Variants in PLXNA4 observed in about 807,000 individuals in gnomAD.
PLXNA4 encodes plexin-A4.
A neutral mutation model predicts 191.8 loss-of-function variants in PLXNA4; 44 were observed. The ratio of observed to expected loss-of-function variants is 0.23; its 90% CI spans 0.18 to 0.29. The LOEUF is 0.29. Ranked by LOEUF, PLXNA4 falls within the 10% of genes least tolerant of loss-of-function variation. PLXNA4 has a pLI of 1.00. For missense variants in PLXNA4, 1,800 were observed against 2,488.8 expected (o/e 0.72, Z 5.89); for synonymous variants, 1,082 against 1,009.5 (o/e 1.07, Z -1.36).
rs201320322 is a variant in PLXNA4, at chr7:132,436,077, A to G, written c.1371+53215T>C. ...TTCTAGGTTTTCTTCCAATCCACAT[A>G]TGAGACCTCAGAGGCTGGCAACTTG... On this transcript the variant is annotated intron_variant, in intron 3 of 31. Transcript: ENST00000321063. 8.5e-5 allele frequency among the ~76,000 whole-genome samples: 13 copies of G among 152,294 alleles called. No individual in the cohort carries two copies. In the East Asian group the frequency reaches 2.5e-3, roughly 29 times the overall value.
intron 1 of PLXNA4, among the ~76,000 whole-genome samples, chr7:132,531,680 C>G (rs1799620049): frequency 6.6e-6 from 1 of 152,188 alleles, no homozygotes; most frequent in Non-Finnish European, 1.5e-5. Context: ...CAGTTAAGAA[C>G]CTGAACTTTC....
chr7:132,364,625 G>C (rs1804081258), intron 3 of PLXNA4, among the ~76,000 whole-genome samples: 4 of 152,166 alleles, frequency 2.6e-5, no homozygotes, highest in Non-Finnish European at 5.9e-5. Flanking sequence ...GCCTGGACTG[G>C]ACATTAGCAA....
chr7:132,168,950 G>A (rs748460187), intron 21 of PLXNA4, among the ~76,000 whole-genome samples: 6 of 152,186 alleles, frequency 3.9e-5, no homozygotes, highest in Non-Finnish European at 8.8e-5. Flanking sequence ...CAGGGCTGTC[G>A]TGGTTTACAC....
At chr7:132,354,768 G>A (rs1037735769) in intron 3 of PLXNA4, among the ~76,000 whole-genome samples, 5 of 152,200 alleles carry the variant, frequency 3.3e-5, no homozygotes, top group African/African-American at 1.2e-4. Flanking sequence ...CAAAGGCAGA[G>A]AAATAGAGAA....
intron 25 of PLXNA4, among the ~76,000 whole-genome samples, chr7:132,158,782 T>C (rs142342353): frequency 1.9e-4 from 29 of 152,294 alleles, no homozygotes; most frequent in African/African-American, 7.0e-4. Context: ...CCTCTTCAGA[T>C]CCTGGGGCTC....
intron 3 of PLXNA4, among the ~76,000 whole-genome samples, chr7:132,387,847 A>G (rs1288813556): frequency 6.6e-6 from 1 of 152,070 alleles, no homozygotes; most frequent in Non-Finnish European, 1.5e-5. Flanking sequence ...CCAGGTCTCT[A>G]TGCCCTCAGC....
chr7:132,260,220 A>G (rs1457139655), intron 4 of PLXNA4, among the ~76,000 whole-genome samples: 1 of 152,226 alleles, frequency 6.6e-6, no homozygotes, highest in African/African-American at 2.4e-5. Flanking sequence ...TGTTTATCGA[A>G]GTACTGCTCA....
chr7:132,518,218 A>C, intron 1 of PLXNA4, among the ~76,000 whole-genome samples: 1 of 152,188 alleles, frequency 6.6e-6, no homozygotes, highest in South Asian at 2.1e-4. Context: ...TAGCTATCTC[A>C]GAAATGAGTG....
Position 132,205,755 on chromosome 7 carries a change from G to T in PLXNA4, c.2299-2336C>A, listed in dbSNP as rs117795704. Among the ~76,000 whole-genome samples the T allele has an allele frequency of 2.2e-4, 34 of 152,286 alleles. 1 individual carries two copies. In the East Asian group the frequency reaches 5.2e-3, roughly 23 times the overall value. On this transcript the variant is annotated intron_variant, in intron 10 of 31. Coordinates refer to ENST00000321063, the MANE Select transcript of PLXNA4 (RefSeq NM_020911.2). The stretch of plus-strand genomic sequence containing the variant: ...CAGGCTGAGCTCTGACCTGTAGGAG[G>T]GATGCTGACAGTGGCTATGTCAAGA...
intron 27 of PLXNA4, among the ~76,000 whole-genome samples, chr7:132,147,019 A>G (rs1414259399): frequency 6.6e-6 from 1 of 152,200 alleles, no homozygotes; most frequent in Non-Finnish European, 1.5e-5. Context: ...TCCTTGTAAG[A>G]GTTCTCAAGT....
At chr7:132,301,023 T>C (rs934156343) in intron 3 of PLXNA4, among the ~76,000 whole-genome samples, 3 of 151,866 alleles carry the variant, frequency 2.0e-5, no homozygotes, top group Non-Finnish European at 4.4e-5. Context: ...GACAGAGGGG[T>C]GGATGAGGAA....
At chr7:132,459,308 A>G (rs1283639644) in intron 3 of PLXNA4, among the ~76,000 whole-genome samples, 1 of 152,178 alleles carries the variant, frequency 6.6e-6, no homozygotes, top group Non-Finnish European at 1.5e-5. Context: ...TATCACTGCT[A>G]ATTTTAACAC....
chr7:132,127,036 G>A lies in PLXNA4; in HGVS notation c.*3443C>T, dbSNP rs1442096528. The A allele has an allele frequency of 6.6e-6, 1 of 152,168 alleles. No homozygotes were observed. The highest frequency in any genetic ancestry group is 1.9e-4 in the East Asian group (1 of 5,190). 9.4% of individuals were successfully genotyped at this position (152,168 alleles called of 1,614,324 possible). A position where few individuals can be genotyped will look rare whatever the true frequency, so the allele number is the denominator to read the frequency against. ...TGCATCTGGGGGGACTTGTGGCCAG[G>A]AGAAATGACCAGCCTACCACTCTGT... On this transcript the variant is annotated 3_prime_UTR_variant, in exon 32 of 32. Transcript: ENST00000321063.
rs1563048301 is a variant in PLXNA4 at position 132,132,463 on chromosome 7, T to TTCTGTTCTGTTCTGCTCTGC, written c.5589+585_5589+586insGCAGAGCAGAACAGAACAGA. 4.0e-3 allele frequency among the ~76,000 whole-genome samples: 264 copies of TTCTGTTCTGTTCTGCTCTGC among 65,600 alleles called. 12 individuals carry two copies. Among genetic ancestry groups the TTCTGTTCTGTTCTGCTCTGC allele is most frequent in the African/African-American group, 0.011 (221 of 19,440 alleles). 43.0% of individuals were successfully genotyped at this position (65,600 alleles called of 152,430 possible). On this transcript the variant is annotated intron_variant, in intron 31 of 31. Coordinates refer to ENST00000321063, the MANE Select transcript of PLXNA4 (RefSeq NM_020911.2). ...TTCTGTTCTGTTCTGTTCTGTTCTG[T>TTCTGTTCTGTTCTGCTCTGC]TCTGCTCTGCTCTGCTCTGCTCTGC...
At chr7:132,136,115 C>G (rs10250358) in intron 30 of PLXNA4, among the ~76,000 whole-genome samples, 2 of 152,130 alleles carry the variant, frequency 1.3e-5, no homozygotes, top group Non-Finnish European at 2.9e-5. Flanking sequence ...CCTGCTCCCC[C>G]ACTCCCACTC....
At chr7:132,305,361 AACAC>A (rs57158164) in intron 3 of PLXNA4, among the ~76,000 whole-genome samples, 12,480 of 131,036 alleles carry the variant, frequency 0.095, 595 homozygotes, top group Middle Eastern at 0.11. Flanking sequence ...GCTTACCAAG[AACAC>A]ACACACACAC....
chr7:132,148,466 T>C lies in PLXNA4; in HGVS notation c.4764+77A>G, dbSNP rs188276782. On this transcript the variant is annotated intron_variant, in intron 26 of 31. Coordinates refer to ENST00000321063, the MANE Select transcript of PLXNA4 (RefSeq NM_020911.2). Reference sequence around the variant, plus strand: ...TGGTGAGGGGCTTGGTGTCTACCCCTGTTATTCCAGGGCAATGATTTCCAG... The same window carrying C: ...TGGTGAGGGGCTTGGTGTCTACCCCCGTTATTCCAGGGCAATGATTTCCAG... The C allele has an allele frequency of 3.8e-4, 603 of 1,588,528 alleles. 2 individuals are homozygous for C. In the African/African-American group the frequency reaches 7.0e-3, roughly 18 times the overall value.
chr7:132,232,928 G>T lies in PLXNA4; in HGVS notation c.1605-4459C>A, dbSNP rs1444429196. ...GTGAACCGCCAAGCTTGGAGGGGCT[G>T]TTGCTGATCCATCTCCCTGGGCTCT... On this transcript the variant is annotated intron_variant, in intron 5 of 31. Coordinates refer to ENST00000321063, the MANE Select transcript of PLXNA4 (RefSeq NM_020911.2). 3.3e-5 allele frequency among the ~76,000 whole-genome samples: 5 copies of T among 152,346 alleles called. No homozygotes were observed. The East Asian group carries it at 9.6e-4, about 29-fold the overall frequency.
intron 2 of PLXNA4, among the ~76,000 whole-genome samples, chr7:132,594,011 C>T (rs527342154): frequency 2.6e-5 from 4 of 152,350 alleles, no homozygotes; most frequent in African/African-American, 9.6e-5. Flanking sequence ...GGGCCATGAC[C>T]AGGCAAGGCT....
Sources: gnomAD v4.1 joint callset for allele counts (sites outside exome capture counted in the v4.1 genomes callset) on GRCh38, gnomAD v4.1.1 for gene constraint, MANE v1.5 for transcripts, NCBI Gene and HGNC (gene_info 2026-07-23, HGNC 2026-07-21) for gene names.